Variants in ZDHHC14 observed in about 807,000 individuals in gnomAD.
ZDHHC14 encodes palmitoyltransferase ZDHHC14.
In ZDHHC14, 16 loss-of-function variants were observed where a neutral mutation model predicts 47.7. That is an observed-to-expected ratio of 0.34 (90% CI 0.23 to 0.51). The LOEUF is 0.51. Among genes scored for constraint, ZDHHC14 ranks in the 20% least tolerant of loss-of-function variants. The pLI, the probability that ZDHHC14 is intolerant of heterozygous loss-of-function variation, is 0.97. For missense variants in ZDHHC14, 515 were observed against 662.5 expected (o/e 0.78, Z 2.44); for synonymous variants, 293 against 278.9 (o/e 1.05, Z -0.50).
chr6:157,647,363 A>T lies in ZDHHC14; in HGVS notation c.960A>T (p.Ser320=). 1 of 1,612,606 alleles carries T rather than the reference A, an allele frequency of 6.2e-7. No individual in the cohort carries two copies. The highest frequency in any genetic ancestry group is 1.1e-5 in the South Asian group (1 of 90,914). ...GTGTTGCCCTGTGTGGGCCCATCTC[A>T]CCAAGGTAAGACTCAGGACGCATCG... ...NCCVALCGPI[S]PSLIDRRGYI... Residue 320 remains serine, a synonymous_variant, in exon 7 of 9, where the codon TCA becomes TCT. Coordinates refer to ENST00000359775, the MANE Select transcript of ZDHHC14 (RefSeq NM_024630.3).
intron 5 of ZDHHC14, among the ~76,000 whole-genome samples, chr6:157,640,100 G>T (rs1777177263): frequency 6.6e-6 from 1 of 152,200 alleles, no homozygotes; most frequent in South Asian, 2.1e-4. Context: ...AGAAACACCT[G>T]CTGGGGAGCC....
intron 1 of ZDHHC14, among the ~76,000 whole-genome samples, chr6:157,541,506 T>C (rs1213164994): frequency 6.6e-6 from 1 of 152,156 alleles, no homozygotes; most frequent in Non-Finnish European, 1.5e-5. Context: ...CAGCTCCCCA[T>C]CTCTGTTTTG....
intron 1 of ZDHHC14, among the ~76,000 whole-genome samples, chr6:157,415,240 T>C (rs1475893089): frequency 6.6e-6 from 1 of 152,224 alleles, no homozygotes; most frequent in African/African-American, 2.4e-5. Context: ...AAAAAGCTAT[T>C]AAACAATATT....
chr6:157,478,865 T>C (rs1224456706), intron 1 of ZDHHC14, among the ~76,000 whole-genome samples: 1 of 152,260 alleles, frequency 6.6e-6, no homozygotes, highest in Non-Finnish European at 1.5e-5. Context: ...TTAAGATGTT[T>C]GACCATGTGA....
intron 1 of ZDHHC14, among the ~76,000 whole-genome samples, chr6:157,449,102 C>T (rs1778745246): frequency 6.6e-6 from 1 of 152,188 alleles, no homozygotes; most frequent in Non-Finnish European, 1.5e-5. Flanking sequence ...CAGGACCATA[C>T]TTTTGTCATA....
intron 2 of ZDHHC14, among the ~76,000 whole-genome samples, chr6:157,576,773 C>T (rs2080378200): frequency 6.6e-6 from 1 of 152,250 alleles, no homozygotes; most frequent in African/African-American, 2.4e-5. Flanking sequence ...CTTCCTACCA[C>T]TCTGGCAGGC....
At chr6:157,511,276 C>CT (rs1780468946) in intron 1 of ZDHHC14, among the ~76,000 whole-genome samples, 1 of 152,180 alleles carries the variant, frequency 6.6e-6, no homozygotes, top group Admixed American at 6.5e-5. Context: ...TGGAATTTCT[C>CT]TTTTAGTTTA....
intron 2 of ZDHHC14, among the ~76,000 whole-genome samples, chr6:157,592,118 G>A (rs896315811): frequency 5.3e-5 from 8 of 152,040 alleles, no homozygotes; most frequent in Non-Finnish European, 8.8e-5. Flanking sequence ...CCTTGCCCAC[G>A]TGAGAACAAC....
chr6:157,571,578 A>G (rs1236709392), intron 2 of ZDHHC14, among the ~76,000 whole-genome samples: 1 of 152,086 alleles, frequency 6.6e-6, no homozygotes, highest in African/African-American at 2.4e-5. Context: ...AGTGGCTTGC[A>G]TCTTTCTCTT....
At chr6:157,622,626 T>A (rs765321425) in intron 3 of ZDHHC14, among the ~76,000 whole-genome samples, 1 of 152,042 alleles carries the variant, frequency 6.6e-6, no homozygotes, top group Non-Finnish European at 1.5e-5. Flanking sequence ...ACTATCTCTC[T>A]CCTCCCACTC....
At chr6:157,668,412 G>T (rs148030555) in intron 8 of ZDHHC14, among the ~76,000 whole-genome samples, 2,940 of 151,768 alleles carry the variant, frequency 0.019, 48 homozygotes, top group Non-Finnish European at 0.03. Flanking sequence ...GGCTAGGCAC[G>T]GTGGCTCAGA....
Position 157,673,634 on chromosome 6 carries a change from CTTTCTT to C in ZDHHC14, c.*522_*527del, listed in dbSNP as rs931407054. The C allele has an allele frequency of 1.0e-4, 16 of 153,028 alleles. No individual in the cohort carries two copies. The highest frequency in any genetic ancestry group is 3.9e-4 in the African/African-American group (16 of 41,074). The allele number at this position is 153,028 out of a possible 1,614,324, so 9.5% of individuals were successfully genotyped here. A position where few individuals can be genotyped will look rare whatever the true frequency, so the allele number is the denominator to read the frequency against. ...TGTTGCTATTTCCAAGGAAGTGCTGCTTTCTTTTTCTTTTTTTAATTTTGTGAATTT... is the reference window on the plus strand; with the variant it reads ...TGTTGCTATTTCCAAGGAAGTGCTGCTTTCTTTTTTTAATTTTGTGAATTT... On this transcript the variant is annotated 3_prime_UTR_variant, in exon 9 of 9. Transcript: ENST00000359775. The surrounding 1 kb of genome is among the most constrained non-coding windows in gnomAD (Gnocchi z 5.4).
At chr6:157,416,123 C>T (rs1459138142) in intron 1 of ZDHHC14, among the ~76,000 whole-genome samples, 3 of 152,132 alleles carry the variant, frequency 2.0e-5, no homozygotes, top group Non-Finnish European at 2.9e-5. Flanking sequence ...CTGGAAAAAG[C>T]TATTTGGCTT....
chr6:157,609,649 AGTGAGTGTCTTTCCCTGTCTT>A (rs1293414036), intron 3 of ZDHHC14, among the ~76,000 whole-genome samples: 1 of 152,218 alleles, frequency 6.6e-6, no homozygotes, highest in Non-Finnish European at 1.5e-5. Flanking sequence ...TGCTCTGAGC[AGTGAGTGTCTTTCCCTGTCTT>A]GTGGGGTCAC....
At chr6:157,598,827 T>A (rs1449482027) in intron 3 of ZDHHC14, among the ~76,000 whole-genome samples, 2 of 152,212 alleles carry the variant, frequency 1.3e-5, no homozygotes, top group Non-Finnish European at 1.5e-5. Flanking sequence ...CAACCATTCA[T>A]GGAACATTTA....
intron 1 of ZDHHC14, among the ~76,000 whole-genome samples, chr6:157,437,583 T>C (rs1778466390): frequency 6.6e-6 from 1 of 152,226 alleles, no homozygotes; most frequent in South Asian, 2.1e-4. Context: ...CACAGGTCCC[T>C]GGAAGACCCC....
intron 1 of ZDHHC14, among the ~76,000 whole-genome samples, chr6:157,523,434 C>G (rs9457685): frequency 0.59 from 89,769 of 151,878 alleles, 27,278 homozygotes; most frequent in African/African-American, 0.74. Flanking sequence ...TCTAATGGGA[C>G]ACTGGAAGGA....
At chr6:157,537,045 C>T (rs1291376110) in intron 1 of ZDHHC14, among the ~76,000 whole-genome samples, 1 of 134,078 alleles carries the variant, frequency 7.5e-6, no homozygotes, top group Non-Finnish European at 1.6e-5. Context: ...GTCTCGATCT[C>T]CTGACCTCGT....
intron 1 of ZDHHC14, among the ~76,000 whole-genome samples, chr6:157,451,026 G>GTC (rs1252554150): frequency 6.6e-6 from 1 of 152,014 alleles, no homozygotes; most frequent in Non-Finnish European, 1.5e-5. Context: ...GTGTGTGTGT[G>GTC]TGTGTCTGTG....
Sources: allele counts gnomAD v4.1 joint callset (sites outside exome capture counted in the v4.1 genomes callset), GRCh38; gene constraint gnomAD v4.1.1; non-coding constraint Gnocchi (gnomAD v3.1); transcripts MANE v1.5; gene names NCBI Gene and HGNC (gene_info 2026-07-23, HGNC 2026-07-21).